The following CD44 variants were observed in gnomAD, a reference collection of about 807,000 sequenced individuals.
The protein encoded by CD44 is CD44 molecule (IN blood group), also known as CD44 antigen.
Under a neutral mutation model 88.8 loss-of-function variants are expected in CD44, and 49 were observed. The observed-to-expected ratio is 0.55, with a 90% CI of 0.44 to 0.70. The LOEUF is 0.70. Among genes scored for constraint, CD44 ranks in the 30% least tolerant of loss-of-function variants. The probability of loss-of-function intolerance (pLI) is 0.00; values close to 1 mark genes in which losing one functional copy is unlikely to be tolerated. For synonymous variants in CD44, 325 were observed against 312.3 expected, an observed-to-expected ratio of 1.04 and a Z score of -0.43; for missense variants, 883 against 913.8, an observed-to-expected ratio of 0.97 and a Z score of 0.43.
chr11:35,212,436 GC>G (rs1385299725), intron 14 of CD44: 1 of 151,190 alleles, frequency 6.6e-6, no homozygotes, highest in Non-Finnish European at 1.5e-5. Flanking sequence ...CACTCTTGTT[GC>G]CCAGGCTGGA....
rs148595003 is a variant in CD44, at chr11:35,154,395, C to T, written c.67+15025C>T. 2.4e-4 allele frequency among the ~76,000 whole-genome samples: 36 copies of T among 152,322 alleles called. No homozygotes were observed. The East Asian group carries it at 6.7e-3, about 29-fold the overall frequency. ...AGGGCCTCAGTCCTTTAGCTCCTTG[C>T]TTCTGGTGACTTCTTGGAGACAAGA... On this transcript the variant is annotated intron_variant, in intron 1 of 17. Coordinates refer to ENST00000428726, the MANE Select transcript of CD44 (RefSeq NM_000610.4).
chr11:35,223,855 G>A (rs1949500619), intron 17 of CD44, among the ~76,000 whole-genome samples: 1 of 152,186 alleles, frequency 6.6e-6, no homozygotes, highest in Non-Finnish European at 1.5e-5. Context: ...AAGAGAAAGA[G>A]ATACAGAATC....
At chr11:35,170,076 T>C (rs1943709539) in intron 1 of CD44, among the ~76,000 whole-genome samples, 1 of 152,242 alleles carries the variant, frequency 6.6e-6, no homozygotes, top group Admixed American at 6.5e-5. Flanking sequence ...GCTCTGATTA[T>C]TAAGTGTCAA....
chr11:35,161,938 A>G (rs1942672246), intron 1 of CD44, among the ~76,000 whole-genome samples: 1 of 152,180 alleles, frequency 6.6e-6, no homozygotes, highest in Non-Finnish European at 1.5e-5. Flanking sequence ...AGCCTTAGAC[A>G]TACAGACCAC....
At chr11:35,189,488 T>C (rs1946055311) in intron 4 of CD44, among the ~76,000 whole-genome samples, 1 of 152,176 alleles carries the variant, frequency 6.6e-6, no homozygotes, top group South Asian at 2.1e-4. Flanking sequence ...TCCACTGTAT[T>C]TTGAATACTG....
At chr11:35,204,727 C>A in intron 10 of CD44, 87 bp downstream of exon 10, 1 of 1,206,880 alleles carries the variant, frequency 8.3e-7, no homozygotes, top group Admixed American at 2.0e-5. Flanking sequence ...CAAAAGGACA[C>A]TGGAGGAATT....
At chr11:35,212,783 C>T (rs1206022545) in intron 14 of CD44, 1 of 152,112 alleles carries the variant, frequency 6.6e-6, no homozygotes, top group African/African-American at 2.4e-5. Context: ...ATAGTGCTGT[C>T]TCATTTCTCT....
intron 1 of CD44, among the ~76,000 whole-genome samples, chr11:35,144,859 C>A (rs542400031): frequency 2.0e-3 from 298 of 152,338 alleles, no homozygotes; most frequent in Non-Finnish European, 3.1e-3. Flanking sequence ...AAATTCACAT[C>A]TTTACAACTC....
chr11:35,201,259 G>A (rs1225144951), intron 8 of CD44, 64 bp downstream of exon 8: 3 of 1,124,692 alleles, frequency 2.7e-6, no homozygotes, highest in Non-Finnish European at 4.1e-6. Context: ...TGCTGCAAAG[G>A]TCAATCATCG....
At chr11:35,164,309 G>A (rs1943012052) in intron 1 of CD44, among the ~76,000 whole-genome samples, 1 of 152,164 alleles carries the variant, frequency 6.6e-6, no homozygotes, top group Non-Finnish European at 1.5e-5. Context: ...ATGCTGAGTG[G>A]ATTGTACTCA....
chr11:35,222,686 TC>T, intron 17 of CD44: 1 of 915,530 alleles, frequency 1.1e-6, no homozygotes, highest in African/African-American at 1.8e-5. Flanking sequence ...GGGGTATAAA[TC>T]TAAATTTATA....
At chr11:35,218,782 A>G (rs61882769) in intron 15 of CD44, 25,095 of 152,540 alleles carry the variant, frequency 0.16, 2,470 homozygotes, top group Admixed American at 0.22. Context: ...ATTTCTAGCG[A>G]TCTCCCCAGG....
At chr11:35,140,448 T>C (rs1438801132) in intron 1 of CD44, among the ~76,000 whole-genome samples, 3 of 152,230 alleles carry the variant, frequency 2.0e-5, no homozygotes, top group Non-Finnish European at 4.4e-5. Context: ...CAAATATTTA[T>C]TAACCCAGTT....
At chr11:35,193,185 C>T (rs1946438791) in intron 5 of CD44, among the ~76,000 whole-genome samples, 2 of 152,070 alleles carry the variant, frequency 1.3e-5, no homozygotes, top group South Asian at 4.1e-4. Context: ...CCCTGGGCCA[C>T]ATTGGAAGAA....
intron 1 of CD44, among the ~76,000 whole-genome samples, chr11:35,147,877 T>G (rs1273997770): frequency 6.6e-6 from 1 of 151,816 alleles, no homozygotes. Flanking sequence ...TGACCTGAGG[T>G]CGGGAGTTCG....
At chr11:35,175,935 G>A (rs1944410748) in intron 1 of CD44, among the ~76,000 whole-genome samples, 1 of 146,984 alleles carries the variant, frequency 6.8e-6, no homozygotes, top group Non-Finnish European at 1.5e-5. Context: ...GCATGATCTC[G>A]GCTCACTGTA....
Position 35,231,046 on chromosome 11 carries a change from C to T in CD44, c.*1713C>T, listed in dbSNP as rs1444640424. 3.3e-5 allele frequency: 5 copies of T among 153,580 alleles called. No homozygotes were observed. Among genetic ancestry groups the T allele is most frequent in the African/African-American group, 1.2e-4 (5 of 41,464 alleles). The allele number at this position is 153,580 out of a possible 1,614,324, so 9.5% of individuals were successfully genotyped here. On this transcript the variant is annotated 3_prime_UTR_variant, in exon 18 of 18. Coordinates refer to ENST00000428726, the MANE Select transcript of CD44 (RefSeq NM_000610.4). ...GTCAACTTTCTGCACTATTCCCAGC[C>T]TCTGCTCCTCCCTGTCTACCCTCTC...
chr11:35,195,916 T>A (rs1286348113), intron 5 of CD44, among the ~76,000 whole-genome samples: 2 of 152,148 alleles, frequency 1.3e-5, no homozygotes, highest in African/African-American at 4.8e-5. Context: ...GGATTTGGAA[T>A]CTAAATGGAG....
At chr11:35,158,887 C>T (rs763286601) in intron 1 of CD44, among the ~76,000 whole-genome samples, 5 of 152,218 alleles carry the variant, frequency 3.3e-5, no homozygotes, top group Non-Finnish European at 4.4e-5. Flanking sequence ...CCTGTCTTTA[C>T]TTGCACAATT....
Sources: allele counts gnomAD v4.1 joint callset (sites outside exome capture counted in the v4.1 genomes callset), GRCh38; gene constraint gnomAD v4.1.1; transcripts MANE v1.5; gene names NCBI Gene and HGNC (gene_info 2026-07-23, HGNC 2026-07-21).